NLGN1: variants seen among roughly 807,000 people sequenced by gnomAD.
The protein encoded by NLGN1 is neuroligin-1.
NLGN1 carries 12 observed loss-of-function variants against 65.5 expected under a neutral mutation model. The ratio of observed to expected loss-of-function variants is 0.18; its 90% CI spans 0.12 to 0.30. The LOEUF is 0.30. Ranked by LOEUF, NLGN1 falls within the 10% of genes least tolerant of loss-of-function variation. NLGN1 has a pLI of 1.00. For missense variants in NLGN1, 750 were observed against 1,007.1 expected (o/e 0.74, Z 3.46); for synonymous variants, 350 against 359.5 (o/e 0.97, Z 0.30).
chr3:174,095,511 GAC>G (rs1266988932), intron 4 of NLGN1, among the ~76,000 whole-genome samples: 1 of 149,402 alleles, frequency 6.7e-6, no homozygotes, highest in African/African-American at 2.5e-5. Context: ...TTATGGAGGT[GAC>G]ACACACATCC....
chr3:174,056,627 CACTCCTCAAAG>C, intron 4 of NLGN1, among the ~76,000 whole-genome samples: 1 of 151,930 alleles, frequency 6.6e-6, no homozygotes, highest in African/African-American at 2.4e-5. Context: ...TTTTTATAGT[CACTCCTCAAAG>C]ATAAAGGCCA....
chr3:173,827,353 T>C (rs989906098), intron 4 of NLGN1, among the ~76,000 whole-genome samples: 2 of 151,988 alleles, frequency 1.3e-5, no homozygotes, highest in South Asian at 2.1e-4. Flanking sequence ...CAAAATTGCT[T>C]CTGTTATCTT....
intron 2 of NLGN1, among the ~76,000 whole-genome samples, chr3:173,473,162 A>G (rs1166743769): frequency 6.6e-6 from 1 of 152,194 alleles, no homozygotes; most frequent in Non-Finnish European, 1.5e-5. Context: ...TATTGCTTTT[A>G]AAACCTTCAT....
chr3:173,790,079 C>T (rs888327461), intron 3 of NLGN1, among the ~76,000 whole-genome samples: 4 of 151,924 alleles, frequency 2.6e-5, no homozygotes, highest in Non-Finnish European at 5.9e-5. Flanking sequence ...TTATTTTTTT[C>T]TTCATCATGG....
intron 2 of NLGN1, among the ~76,000 whole-genome samples, chr3:173,566,244 A>G (rs1424629826): frequency 1.3e-5 from 2 of 152,214 alleles, no homozygotes; most frequent in East Asian, 3.8e-4. Context: ...TAGGAAATAT[A>G]GCTTCAGGAT....
intron 2 of NLGN1, among the ~76,000 whole-genome samples, chr3:173,601,416 A>G (rs1750525900): frequency 6.6e-6 from 1 of 152,046 alleles, no homozygotes; most frequent in Non-Finnish European, 1.5e-5. Flanking sequence ...CTTTCTACTC[A>G]GAGATGACAG....
At chr3:173,588,286 G>T (rs549867442) in intron 2 of NLGN1, among the ~76,000 whole-genome samples, 9 of 152,252 alleles carry the variant, frequency 5.9e-5, no homozygotes, top group Non-Finnish European at 1.2e-4. Flanking sequence ...CTAAGAAAAT[G>T]ATTTCTAAGA....
At chr3:173,854,978 AT>A (rs984656837) in intron 4 of NLGN1, among the ~76,000 whole-genome samples, 2 of 152,090 alleles carry the variant, frequency 1.3e-5, no homozygotes, top group Non-Finnish European at 2.9e-5. Context: ...ACAAAGAATT[AT>A]TTTTTACAGA....
intron 1 of NLGN1, among the ~76,000 whole-genome samples, chr3:173,427,905 G>A (rs1458110713): frequency 4.6e-5 from 7 of 150,756 alleles, no homozygotes; most frequent in Non-Finnish European, 1.0e-4. Flanking sequence ...TTAAAGAGGG[G>A]CACTAATGTC....
chr3:173,428,110 T>C (rs1277315471), intron 1 of NLGN1, among the ~76,000 whole-genome samples: 1 of 151,920 alleles, frequency 6.6e-6, no homozygotes, highest in African/African-American at 2.4e-5. Flanking sequence ...CTATTTTATC[T>C]GATATAAGTT....
intron 4 of NLGN1, among the ~76,000 whole-genome samples, chr3:173,939,174 A>G (rs1035076044): frequency 3.3e-5 from 5 of 152,192 alleles, no homozygotes; most frequent in African/African-American, 1.2e-4. Flanking sequence ...AGAAATATGT[A>G]ATATGTGTGT....
At chr3:173,816,734 T>C (rs554363966) in intron 4 of NLGN1, among the ~76,000 whole-genome samples, 1 of 152,376 alleles carries the variant, frequency 6.6e-6, no homozygotes, top group African/African-American at 2.4e-5. Flanking sequence ...TCATTTATAC[T>C]TCATAGACAT....
chr3:173,757,191 G>C (rs1342732282), intron 3 of NLGN1, among the ~76,000 whole-genome samples: 1 of 151,976 alleles, frequency 6.6e-6, no homozygotes, highest in African/African-American at 2.4e-5. Context: ...AATCACTGAT[G>C]AATGAAACCA....
intron 3 of NLGN1, among the ~76,000 whole-genome samples, chr3:173,643,569 G>C (rs948777173): frequency 6.6e-6 from 1 of 152,202 alleles, no homozygotes; most frequent in East Asian, 1.9e-4. Context: ...GCTGTCAGCA[G>C]TTTGTACCAC....
At chr3:174,081,059 G>A (rs1742083824) in intron 4 of NLGN1, among the ~76,000 whole-genome samples, 1 of 151,744 alleles carries the variant, frequency 6.6e-6, no homozygotes. Flanking sequence ...TATTGTGTTG[G>A]GTGGGCTGCT....
intron 2 of NLGN1, among the ~76,000 whole-genome samples, chr3:173,444,277 A>T (rs777669858): frequency 6.6e-6 from 1 of 152,198 alleles, no homozygotes; most frequent in Non-Finnish European, 1.5e-5. Flanking sequence ...AAAACGATAG[A>T]TGTCTGTGGC....
chr3:174,032,996 A>T lies in NLGN1; in HGVS notation c.646+225164A>T, dbSNP rs931749467. On this transcript the variant is annotated intron_variant, in intron 4 of 6. Transcript: ENST00000457714. Reference sequence around the variant, plus strand: ...ATTTAGGTCATATATATAGATATAGATCTATCTATATATATAGATCTATAT... The same window carrying T: ...ATTTAGGTCATATATATAGATATAGTTCTATCTATATATATAGATCTATAT... Among the ~76,000 whole-genome samples the T allele has an allele frequency of 1.5e-4, 23 of 151,936 alleles. No homozygotes were observed. In the East Asian group the frequency reaches 4.3e-3, roughly 28 times the overall value.
At chr3:173,786,500 C>T (rs1781985747) in intron 3 of NLGN1, among the ~76,000 whole-genome samples, 1 of 151,950 alleles carries the variant, frequency 6.6e-6, no homozygotes, top group Admixed American at 6.6e-5. Context: ...GGAAAGTTAT[C>T]TTTAGGTGAC....
At chr3:173,819,866 C>T (rs1412979532) in intron 4 of NLGN1, among the ~76,000 whole-genome samples, 2 of 152,166 alleles carry the variant, frequency 1.3e-5, no homozygotes, top group Non-Finnish European at 2.9e-5. Flanking sequence ...TCAGGATATG[C>T]ATTTCTAGGA....
Sources: allele counts gnomAD v4.1 joint callset (sites outside exome capture counted in the v4.1 genomes callset), GRCh38; gene constraint gnomAD v4.1.1; transcripts MANE v1.5; gene names NCBI Gene and HGNC (gene_info 2026-07-23, HGNC 2026-07-21).